The following XPO6 variants were observed in gnomAD, a reference collection of about 807,000 sequenced individuals.
XPO6 encodes the protein exportin 6, also known as exportin-6.
Under a neutral mutation model 130.0 loss-of-function variants are expected in XPO6, and 3 were observed. The observed-to-expected ratio is 0.02, with a 90% CI of 0.01 to 0.06. The LOEUF is 0.06. Ranked by LOEUF, XPO6 falls within the 10% of genes least tolerant of loss-of-function variation. XPO6 has a pLI of 1.00. For synonymous variants in XPO6, 524 were observed against 548.9 expected, an observed-to-expected ratio of 0.95 and a Z score of 0.63; for missense variants, 970 against 1,393.0, an observed-to-expected ratio of 0.70 and a Z score of 4.83.
chr16:28,172,017 C>A (rs1176753479), intron 4 of XPO6, among the ~76,000 whole-genome samples: 1 of 152,110 alleles, frequency 6.6e-6, no homozygotes, highest in African/African-American at 2.4e-5. Flanking sequence ...GCAATATACA[C>A]CCTCCTATAA....
intron 15 of XPO6, among the ~76,000 whole-genome samples, chr16:28,116,014 G>A (rs2087044451): frequency 6.6e-6 from 1 of 152,178 alleles, no homozygotes; most frequent in Non-Finnish European, 1.5e-5. Flanking sequence ...GGAATGTTGT[G>A]GCTAGCTTGG....
intron 1 of XPO6, among the ~76,000 whole-genome samples, chr16:28,192,900 G>A (rs1242263486): frequency 2.0e-5 from 3 of 152,134 alleles, no homozygotes; most frequent in Non-Finnish European, 2.9e-5. Flanking sequence ...GAGGGGTACA[G>A]GGCCAAGCAT....
chr16:28,171,855 C>G (rs11074895), intron 4 of XPO6, among the ~76,000 whole-genome samples: 8,245 of 152,164 alleles, frequency 0.054, 573 homozygotes, highest in East Asian at 0.17. Flanking sequence ...ATTTGGAGAC[C>G]TTTGGCTTAT....
intron 1 of XPO6, among the ~76,000 whole-genome samples, chr16:28,191,940 C>G (rs909555782): frequency 6.6e-6 from 1 of 152,266 alleles, no homozygotes; most frequent in East Asian, 1.9e-4. Context: ...CTGAATTATT[C>G]CCAGGTAGAC....
intron 13 of XPO6, among the ~76,000 whole-genome samples, chr16:28,125,027 G>C (rs2087357685): frequency 6.6e-6 from 1 of 152,212 alleles, no homozygotes; most frequent in Admixed American, 6.5e-5. Flanking sequence ...AGGGGAGAAA[G>C]GGAGGAGGGA....
In XPO6 at chr16:28,156,605, A is replaced by AAT. The variant is rs552912774; in HGVS notation, c.644-80_644-79dup. ...ACTTTAAGTAATTCTCCTTCAAAAA[A>AAT]ATATATATATATATGTATACATATA... On this transcript the variant is annotated intron_variant, in intron 6 of 23. Transcript: ENST00000304658. 1,997 of 875,846 alleles carry AAT rather than the reference A, an allele frequency of 2.3e-3. 1 individual carries two copies. Among genetic ancestry groups the AAT allele is most frequent in the East Asian group, 0.016 (530 of 34,002 alleles). The allele number at this position is 875,846 out of a possible 1,614,324, so 54.3% of individuals were successfully genotyped here. A position where few individuals can be genotyped will look rare whatever the true frequency, so the allele number is the denominator to read the frequency against.
At chr16:28,202,819 G>GA (rs892561818) in intron 1 of XPO6, among the ~76,000 whole-genome samples, 88 of 152,312 alleles carry the variant, frequency 5.8e-4, no homozygotes, top group African/African-American at 1.9e-3. Flanking sequence ...TAATACCATG[G>GA]ATGCCACGGG....
rs779809302 is a variant in XPO6 at position 28,111,834 on chromosome 16, T to C, written c.2324A>G (p.Lys775Arg). Residue 775 changes from lysine (K) to arginine (R), a missense_variant, in exon 17 of 24, where the codon AAG (lysine) becomes AGG (arginine). Physicochemically the swap from Lys to Arg is conservative, Grantham distance 26. Coordinates refer to ENST00000304658, the MANE Select transcript of XPO6 (RefSeq NM_015171.4). The part of the protein sequence containing the change: ...LKPSAVAPQR[K>R]MPLDDTKLII... ...TCACTTACTGTCATCCAGTGGCATC[T>C]TTCTCTGTGGGGCAACAGCACTGGG... 7 of 1,614,028 alleles carry C rather than the reference T, an allele frequency of 4.3e-6. No individual in the cohort carries two copies.
chr16:28,182,591 T>C (rs533430271), intron 1 of XPO6, among the ~76,000 whole-genome samples: 40 of 152,354 alleles, frequency 2.6e-4, no homozygotes, highest in African/African-American at 9.6e-4. Context: ...CCTAGCCCCC[T>C]ACTCCTCTTT....
At chr16:28,210,155 A>T (rs968162846) in intron 1 of XPO6, among the ~76,000 whole-genome samples, 2 of 152,076 alleles carry the variant, frequency 1.3e-5, no homozygotes, top group Non-Finnish European at 2.9e-5. Flanking sequence ...AAACACATAC[A>T]CTATACGTAT....
intron 1 of XPO6, among the ~76,000 whole-genome samples, chr16:28,181,556 A>G (rs1335315825): frequency 6.7e-6 from 1 of 149,000 alleles, no homozygotes; most frequent in Non-Finnish European, 1.5e-5. Flanking sequence ...CTGTTTGCCC[A>G]GGCTGGAGTA....
In XPO6 at chr16:28,135,471, G is replaced by A; in HGVS notation, c.1335-147C>T. Reference sequence around the variant, plus strand: ...ATTCCTGAGGCTGAGTTTATGGGTTGGTACGTGTGTGCGCCCATGGAAGAG... The same window carrying A: ...ATTCCTGAGGCTGAGTTTATGGGTTAGTACGTGTGTGCGCCCATGGAAGAG... On this transcript the variant is annotated intron_variant, in intron 9 of 23. Coordinates refer to ENST00000304658, the MANE Select transcript of XPO6 (RefSeq NM_015171.4). The A allele has an allele frequency of 4.9e-6, 3 of 616,662 alleles. No individual in the cohort carries two copies. The South Asian group carries it at 6.5e-5, about 13-fold the overall frequency. The allele number at this position is 616,662 out of a possible 1,614,324, so 38.2% of individuals were successfully genotyped here. A position where few individuals can be genotyped will look rare whatever the true frequency, so the allele number is the denominator to read the frequency against.
intron 17 of XPO6, among the ~76,000 whole-genome samples, chr16:28,109,263 A>G (rs1269516454): frequency 6.6e-6 from 1 of 152,104 alleles, no homozygotes; most frequent in African/African-American, 2.4e-5. Flanking sequence ...CTTCCATGAG[A>G]CAGGACATTA....
chr16:28,190,601 AT>A (rs1191928004), intron 1 of XPO6, among the ~76,000 whole-genome samples: 1 of 152,182 alleles, frequency 6.6e-6, no homozygotes. Context: ...CCACAGATTG[AT>A]CCTGGACTGG....
chr16:28,191,554 A>G (rs1424686288), intron 1 of XPO6, among the ~76,000 whole-genome samples: 1 of 152,224 alleles, frequency 6.6e-6, no homozygotes. Flanking sequence ...ACCCCAGAGC[A>G]CAGCAAGTCC....
At chr16:28,192,070 G>C (rs1350921786) in intron 1 of XPO6, among the ~76,000 whole-genome samples, 2 of 152,114 alleles carry the variant, frequency 1.3e-5, no homozygotes, top group African/African-American at 4.8e-5. Flanking sequence ...GACCAGCCTG[G>C]CCAACATGGT....
At chr16:28,186,374 C>CTTTGTTTTTTTTTTTTTTTTTTTTTTT (rs2043693769) in intron 1 of XPO6, among the ~76,000 whole-genome samples, 1 of 81,442 alleles carries the variant, frequency 1.2e-5, no homozygotes, top group Non-Finnish European at 2.1e-5. Flanking sequence ...CCCAGTTATT[C>CTTTGTTTTTTTTTTTTTTTTTTTTTTT]TTTTTTTTTT....
intron 9 of XPO6, among the ~76,000 whole-genome samples, chr16:28,140,632 C>T (rs1313178508): frequency 1.3e-5 from 2 of 150,048 alleles, no homozygotes; most frequent in Admixed American, 6.6e-5. Context: ...GAGCCAAGAT[C>T]ACGCCACTGC....
At chr16:28,133,403 C>G (rs558455002) in intron 11 of XPO6, among the ~76,000 whole-genome samples, 2 of 152,246 alleles carry the variant, frequency 1.3e-5, no homozygotes, top group African/African-American at 4.8e-5. Flanking sequence ...AATGAAATCT[C>G]TTTGAATAAC....
Sources: allele counts gnomAD v4.1 joint callset (sites outside exome capture counted in the v4.1 genomes callset), GRCh38; gene constraint gnomAD v4.1.1; transcripts MANE v1.5; gene names NCBI Gene and HGNC (gene_info 2026-07-23, HGNC 2026-07-21).